Variants in RYR2 observed in about 807,000 individuals in gnomAD.
RYR2 encodes ryanodine receptor 2.
RYR2 carries 227 observed loss-of-function variants against 601.1 expected under a neutral mutation model. The ratio of observed to expected loss-of-function variants is 0.38; its 90% CI spans 0.34 to 0.42. RYR2 has a LOEUF of 0.42. Among genes scored for constraint, RYR2 ranks in the 10% least tolerant of loss-of-function variants. RYR2 has a pLI of 1.00. For missense variants in RYR2, 4,646 were observed against 6,156.5 expected (o/e 0.75, Z 8.21); for synonymous variants, 2,223 against 2,175.1 (o/e 1.02, Z -0.61).
intron 1 of RYR2, among the ~76,000 whole-genome samples, chr1:237,055,766 T>C (rs1661918850): frequency 6.6e-6 from 1 of 152,188 alleles, no homozygotes; most frequent in African/African-American, 2.4e-5. Flanking sequence ...GAATGTGACC[T>C]TAATGGGAAA....
intron 15 of RYR2, among the ~76,000 whole-genome samples, chr1:237,454,850 A>T (rs1170207796): frequency 1.3e-5 from 2 of 152,158 alleles, no homozygotes; most frequent in East Asian, 3.8e-4. Flanking sequence ...GGTCTTTTGC[A>T]AGCACTATAG....
chr1:237,634,472 G>A (rs1011525516), intron 43 of RYR2, among the ~76,000 whole-genome samples: 1 of 152,068 alleles, frequency 6.6e-6, no homozygotes, highest in Non-Finnish European at 1.5e-5. Context: ...GGAGTGGTTG[G>A]GGAGATGTTC....
intron 8 of RYR2, among the ~76,000 whole-genome samples, chr1:237,382,278 A>C (rs908021085): frequency 1.3e-5 from 2 of 152,238 alleles, no homozygotes; most frequent in African/African-American, 2.4e-5. Flanking sequence ...CAGAATGCTT[A>C]TCTAAAGGGT....
In RYR2 at chr1:237,698,964, G is replaced by C; in HGVS notation, c.9068-1G>C. 2 of 1,537,532 alleles carry C rather than the reference G, an allele frequency of 1.3e-6. No individual in the cohort carries two copies. The highest frequency in any genetic ancestry group is 1.8e-6 in the Non-Finnish European group (2 of 1,132,446). On this transcript the variant is annotated splice_acceptor_variant, in intron 63 of 104. Coordinates refer to ENST00000366574, the MANE Select transcript of RYR2 (RefSeq NM_001035.3). LOFTEE classifies it high-confidence loss of function. ...TATACAGCATTTTGTTTCCTCTTTA[G>C]GCAATGATGCAACATCAATTGTCAA...
At chr1:237,559,098 G>T (rs1378707832) in intron 27 of RYR2, among the ~76,000 whole-genome samples, 2 of 151,318 alleles carry the variant, frequency 1.3e-5, no homozygotes. Context: ...AGGTTCAAGT[G>T]ACTGTCCTGC....
chr1:237,105,335 G>C (rs1200238529), intron 1 of RYR2, among the ~76,000 whole-genome samples: 1 of 152,210 alleles, frequency 6.6e-6, no homozygotes, highest in African/African-American at 2.4e-5. Context: ...AAGATCGTAA[G>C]TACTCTGGGG....
In RYR2 at chr1:237,660,794, G is replaced by GT; in HGVS notation, c.8299-10dup. 2 of 1,531,382 alleles carry GT rather than the reference G, an allele frequency of 1.3e-6. No homozygotes were observed. Among genetic ancestry groups the GT allele is most frequent in the South Asian group, 1.2e-5 (1 of 80,946 alleles). 94.9% of individuals were successfully genotyped at this position (1,531,382 alleles called of 1,614,324 possible). ...ATTCATAATATATCTGTTGTTTCTT[G>GT]TTTTTTCTTCTCTAGGAAAAAGAAA... On this transcript the variant is annotated splice_polypyrimidine_tract_variant and intron_variant, in intron 55 of 104. Transcript: ENST00000366574.
At chr1:237,678,901 G>T (rs12121446) in intron 61 of RYR2, among the ~76,000 whole-genome samples, 2 of 152,270 alleles carry the variant, frequency 1.3e-5, no homozygotes, top group Admixed American at 6.5e-5. Context: ...TGCATTCAGC[G>T]ATTACAGATA....
intron 2 of RYR2, among the ~76,000 whole-genome samples, chr1:237,297,208 C>T (rs1456149078): frequency 6.6e-6 from 1 of 152,068 alleles, no homozygotes; most frequent in Non-Finnish European, 1.5e-5. Flanking sequence ...TAGAAAACTC[C>T]ATCACAGAAT....
At chr1:237,607,374 T>G (rs1236837907) in intron 35 of RYR2, among the ~76,000 whole-genome samples, 1 of 146,380 alleles carries the variant, frequency 6.8e-6, no homozygotes, top group Non-Finnish European at 1.5e-5. Flanking sequence ...AATTGAACAA[T>G]GAAAACACTT....
intron 12 of RYR2, among the ~76,000 whole-genome samples, chr1:237,432,210 T>TAAA: frequency 7.8e-6 from 1 of 128,672 alleles, no homozygotes; most frequent in East Asian, 2.2e-4. Flanking sequence ...AGGCTTTTTT[T>TAAA]AAAAAAAAAT....
intron 72 of RYR2, among the ~76,000 whole-genome samples, chr1:237,718,159 G>A (rs1485120583): frequency 6.6e-6 from 1 of 152,122 alleles, no homozygotes; most frequent in Non-Finnish European, 1.5e-5. Flanking sequence ...GAATACTGGA[G>A]ATATACTTCT....
At chr1:237,741,870 G>A (rs1020454136) in intron 79 of RYR2, among the ~76,000 whole-genome samples, 2 of 152,094 alleles carry the variant, frequency 1.3e-5, no homozygotes, top group African/African-American at 2.4e-5. Context: ...CCAAAGTGCT[G>A]GGATTACAGG....
intron 1 of RYR2, among the ~76,000 whole-genome samples, chr1:237,264,079 A>G (rs1191360569): frequency 1.5e-5 from 2 of 130,122 alleles, no homozygotes; most frequent in African/African-American, 2.9e-5. Flanking sequence ...ATGTACAAAC[A>G]CACATGCACA....
chr1:237,222,174 G>A (rs1683863577), intron 1 of RYR2, among the ~76,000 whole-genome samples: 1 of 152,116 alleles, frequency 6.6e-6, no homozygotes, highest in Non-Finnish European at 1.5e-5. Context: ...CAGCACTTTG[G>A]GAGGCTGAGG....
chr1:237,593,239 C>G (rs771665250), intron 32 of RYR2, among the ~76,000 whole-genome samples: 2 of 152,164 alleles, frequency 1.3e-5, no homozygotes, highest in African/African-American at 2.4e-5. Flanking sequence ...GCTCAGATCA[C>G]ATCTTTTCTC....
intron 1 of RYR2, among the ~76,000 whole-genome samples, chr1:237,195,288 G>A (rs569956872): frequency 1.3e-5 from 2 of 152,082 alleles, no homozygotes; most frequent in Non-Finnish European, 2.9e-5. Context: ...CCAGTCGCTC[G>A]TGTTGCCCAA....
intron 102 of RYR2, 86 bp downstream of exon 102, chr1:237,828,531 T>A: frequency 1.1e-6 from 1 of 886,114 alleles, no homozygotes; most frequent in South Asian, 1.8e-5. Flanking sequence ...ATCATGAATG[T>A]GGGAAGGAGG....
At position 237,702,036 on chromosome 1, in the gene RYR2, C is replaced by A; in HGVS notation, c.9426C>A (p.Thr3142=). The A allele has an allele frequency of 6.2e-7, 1 of 1,603,044 alleles. No homozygotes were observed. The highest frequency in any genetic ancestry group is 2.2e-5 in the East Asian group (1 of 44,722). ...TGACTAGCTTATATGCTTTGGGAAC[C>A]AGCAAGAGTATTTACGTGGAGAGGT... ...RILTSLYALG[T]SKSIYVERQR... is the part of the protein sequence containing the mutation. Residue 3142 remains threonine, a synonymous_variant, in exon 66 of 105, where the codon ACC becomes ACA. Coordinates refer to ENST00000366574, the MANE Select transcript of RYR2 (RefSeq NM_001035.3).
Sources: allele counts gnomAD v4.1 joint callset (sites outside exome capture counted in the v4.1 genomes callset), GRCh38; gene constraint gnomAD v4.1.1; transcripts MANE v1.5; gene names NCBI Gene and HGNC (gene_info 2026-07-23, HGNC 2026-07-21).